GRM7: variants seen among roughly 807,000 people sequenced by gnomAD.
The protein encoded by GRM7 is glutamate metabotropic receptor 7, also known as metabotropic glutamate receptor 7.
GRM7 carries 35 observed loss-of-function variants against 84.5 expected under a neutral mutation model. The observed-to-expected ratio is 0.41, with a 90% confidence interval of 0.32 to 0.55. The LOEUF is 0.55. Ranked by LOEUF, GRM7 falls within the 20% of genes least tolerant of loss-of-function variation. The pLI, the probability that GRM7 is intolerant of heterozygous loss-of-function variation, is 0.19. For synonymous variants in GRM7, 487 were observed against 455.1 expected (o/e 1.07, Z -0.89); for missense variants, 1,003 against 1,194.6 (o/e 0.84, Z 2.36).
chr3:6,882,381 G>T (rs909529805), intron 1 of GRM7, among the ~76,000 whole-genome samples: 13 of 151,918 alleles, frequency 8.6e-5, no homozygotes, highest in African/African-American at 3.1e-4. Context: ...AATTAAAAAG[G>T]CATAAAGAAA....
chr3:7,161,420 C>A (rs867305778), intron 2 of GRM7, among the ~76,000 whole-genome samples: 4 of 96,476 alleles, frequency 4.1e-5, no homozygotes, highest in Non-Finnish European at 5.7e-5. Context: ...TTGTAATGAC[C>A]TGAAAAAAAA....
chr3:7,447,642 G>C (rs712790), intron 5 of GRM7, among the ~76,000 whole-genome samples: 67,114 of 151,768 alleles, frequency 0.44, 15,206 homozygotes, highest in South Asian at 0.6. Flanking sequence ...TGCGTGGGCC[G>C]GGTGTGGTGT....
intron 2 of GRM7, among the ~76,000 whole-genome samples, chr3:7,154,870 T>A (rs1268340070): frequency 6.6e-6 from 1 of 152,080 alleles, no homozygotes; most frequent in Non-Finnish European, 1.5e-5. Context: ...AGCTTTCTCT[T>A]CCTAGTCTTC....
At chr3:7,461,760 T>A (rs1698258321) in intron 7 of GRM7, 38 bp downstream of exon 7, 2 of 1,593,628 alleles carry the variant, frequency 1.3e-6, no homozygotes, top group African/African-American at 1.3e-5. Context: ...CTTGTTGAGA[T>A]GAATGAACAG....
At chr3:7,308,339 C>T (rs1265180327) in intron 4 of GRM7, among the ~76,000 whole-genome samples, 1 of 141,854 alleles carries the variant, frequency 7.0e-6, no homozygotes, top group African/African-American at 2.5e-5. Flanking sequence ...CCTTCCATTC[C>T]TTCTATGGCA....
At chr3:6,894,165 C>T (rs542097123) in intron 1 of GRM7, 1 of 152,200 alleles carries the variant, frequency 6.6e-6, no homozygotes, top group Non-Finnish European at 1.5e-5. Context: ...GATAGTGATC[C>T]TGAGTACACC....
chr3:7,068,595 C>T (rs1697752224), intron 1 of GRM7, among the ~76,000 whole-genome samples: 1 of 151,868 alleles, frequency 6.6e-6, no homozygotes, highest in Non-Finnish European at 1.5e-5. Flanking sequence ...AATTTTTTGG[C>T]TTGTTTGTTA....
rs1250654147 is a variant in GRM7 at position 6,952,735 on chromosome 3, G to A, written c.519+90828G>A. ...GCTTTTTGTTTTGTTTTGTTTTTGA[G>A]CGTTTCAGGTAAGAAGGTAAATCCA... On this transcript the variant is annotated intron_variant, in intron 1 of 9. Transcript: ENST00000357716. Among the ~76,000 whole-genome samples, 6 of 152,022 alleles carry A rather than the reference G, an allele frequency of 3.9e-5. 1 individual carries two copies. The highest frequency in any genetic ancestry group is 9.7e-5 in the African/African-American group (4 of 41,382).
intron 7 of GRM7, among the ~76,000 whole-genome samples, chr3:7,515,993 A>G (rs972225230): frequency 6.6e-6 from 1 of 151,890 alleles, no homozygotes; most frequent in African/African-American, 2.4e-5. Context: ...AAATAAATAA[A>G]TAAGAATAGT....
At chr3:6,911,889 A>G (rs999185622) in intron 1 of GRM7, among the ~76,000 whole-genome samples, 1 of 152,216 alleles carries the variant, frequency 6.6e-6, no homozygotes, top group Non-Finnish European at 1.5e-5. Context: ...AATCATATGC[A>G]TTAGACGTTT....
At chr3:7,288,567 C>G (rs1043323382) in intron 2 of GRM7, among the ~76,000 whole-genome samples, 1 of 152,100 alleles carries the variant, frequency 6.6e-6, no homozygotes, top group African/African-American at 2.4e-5. Flanking sequence ...CCCATACCCC[C>G]ACTTCTGTCT....
chr3:7,206,199 C>T (rs1025985047), intron 2 of GRM7, among the ~76,000 whole-genome samples: 1 of 152,058 alleles, frequency 6.6e-6, no homozygotes, highest in Non-Finnish European at 1.5e-5. Flanking sequence ...TTAGATCGCT[C>T]ATTAGAAGGC....
At chr3:7,444,069 T>C (rs1697404569) in intron 5 of GRM7, among the ~76,000 whole-genome samples, 1 of 152,200 alleles carries the variant, frequency 6.6e-6, no homozygotes, top group Non-Finnish European at 1.5e-5. Context: ...TTTTATCTCA[T>C]GCTTTTAGCA....
intron 2 of GRM7, among the ~76,000 whole-genome samples, chr3:7,148,824 C>G (rs1225563533): frequency 1.3e-5 from 2 of 152,148 alleles, no homozygotes; most frequent in African/African-American, 4.8e-5. Context: ...TCTTTCCATC[C>G]TAGAGCCTTT....
intron 1 of GRM7, among the ~76,000 whole-genome samples, chr3:6,906,221 G>T (rs1696574319): frequency 6.6e-6 from 1 of 152,118 alleles, no homozygotes; most frequent in African/African-American, 2.4e-5. Context: ...AATATCGTTA[G>T]GATCTGACAG....
At chr3:7,489,363 A>G (rs1202972723) in intron 7 of GRM7, among the ~76,000 whole-genome samples, 1 of 152,198 alleles carries the variant, frequency 6.6e-6, no homozygotes, top group African/African-American at 2.4e-5. Flanking sequence ...TAGTATCCAC[A>G]GTATCCTTGG....
chr3:7,621,298 A>G (rs1040324218), intron 8 of GRM7, among the ~76,000 whole-genome samples: 5 of 152,130 alleles, frequency 3.3e-5, no homozygotes, highest in Non-Finnish European at 5.9e-5. Context: ...TCATGGGCTC[A>G]GAAGTAAGCC....
chr3:7,302,903 G>T (rs1221775435), intron 3 of GRM7, among the ~76,000 whole-genome samples: 1 of 148,908 alleles, frequency 6.7e-6, no homozygotes, highest in African/African-American at 2.5e-5. Context: ...GTATCTCTAG[G>T]CCAGAAGTAT....
At chr3:7,084,972 A>C (rs1355397889) in intron 1 of GRM7, among the ~76,000 whole-genome samples, 4 of 152,198 alleles carry the variant, frequency 2.6e-5, no homozygotes, top group Non-Finnish European at 5.9e-5. Context: ...GAGCCCAGAA[A>C]TTAAAAATCA....
Sources: gnomAD v4.1 joint callset for allele counts (sites outside exome capture counted in the v4.1 genomes callset) on GRCh38, gnomAD v4.1.1 for gene constraint, MANE v1.5 for transcripts, NCBI Gene and HGNC (gene_info 2026-07-23, HGNC 2026-07-21) for gene names.